The following SAMD3 variants were observed in gnomAD, a reference collection of about 807,000 sequenced individuals.
The protein encoded by SAMD3 is sterile alpha motif domain containing 3.
In SAMD3, 63 loss-of-function variants were observed where a neutral mutation model predicts 58.5. The observed-to-expected ratio is 1.08, with a 90% CI of 0.88 to 1.33. SAMD3 has a LOEUF of 1.33. Ranked by LOEUF, SAMD3 falls within the 40% of genes most tolerant of loss-of-function variation. The pLI is 0.00. For missense variants in SAMD3, 604 were observed against 608.4 expected, an observed-to-expected ratio of 0.99 and a Z score of 0.08; for synonymous variants, 220 against 210.3, an observed-to-expected ratio of 1.05 and a Z score of -0.40.
chr6:130,324,030 C>T (rs1776674203), intron 1 of SAMD3, among the ~76,000 whole-genome samples: 1 of 152,064 alleles, frequency 6.6e-6, no homozygotes, highest in South Asian at 2.1e-4. Context: ...TGGCATTTAA[C>T]ATCTTGGAAC....
At chr6:130,355,465 T>C (rs1200342461) in intron 1 of SAMD3, among the ~76,000 whole-genome samples, 1 of 152,116 alleles carries the variant, frequency 6.6e-6, no homozygotes, top group Non-Finnish European at 1.5e-5. Context: ...GCAACTTACA[T>C]TGGTGTCACC....
At chr6:130,205,377 C>T (rs1409455231) in intron 5 of SAMD3, among the ~76,000 whole-genome samples, 1 of 152,066 alleles carries the variant, frequency 6.6e-6, no homozygotes, top group African/African-American at 2.4e-5. Context: ...GATCTCAGCT[C>T]ACTGCAACCT....
intron 7 of SAMD3, among the ~76,000 whole-genome samples, chr6:130,180,095 G>A (rs2326966): frequency 0.89 from 135,059 of 151,306 alleles, 60,434 homozygotes; most frequent in East Asian, 0.98. Context: ...GATTACAGGC[G>A]TGAACCACCG....
intron 2 of SAMD3, among the ~76,000 whole-genome samples, chr6:130,263,436 AC>A (rs976790180): frequency 1.3e-5 from 2 of 152,090 alleles, no homozygotes; most frequent in African/African-American, 4.8e-5. Context: ...CCTCAGAAGG[AC>A]CCTACCTTGT....
At chr6:130,349,447 G>C (rs557199813) in intron 1 of SAMD3, among the ~76,000 whole-genome samples, 89 of 152,148 alleles carry the variant, frequency 5.8e-4, no homozygotes, top group African/African-American at 2.0e-3. Flanking sequence ...ATACTATAAA[G>C]ACCTCTATGC....
At chr6:130,263,765 C>T (rs1173263682) in intron 2 of SAMD3, among the ~76,000 whole-genome samples, 1 of 152,112 alleles carries the variant, frequency 6.6e-6, no homozygotes, top group African/African-American at 2.4e-5. Context: ...TCTGTTCCTC[C>T]TGACTCTCCT....
intron 1 of SAMD3, among the ~76,000 whole-genome samples, chr6:130,331,971 T>G (rs1776948206): frequency 6.6e-6 from 1 of 152,200 alleles, no homozygotes; most frequent in South Asian, 2.1e-4. Context: ...TGATTTCTGC[T>G]TAAAAGTATC....
upstream of SAMD3, among the ~76,000 whole-genome samples, chr6:130,226,125 C>A (rs17058529): frequency 0.043 from 6,599 of 152,258 alleles, 468 homozygotes; most frequent in African/African-American, 0.15. Flanking sequence ...TTCTACCTTT[C>A]TGGAGAGCCT....
chr6:130,240,429 G>A (rs1162882331), intron 2 of SAMD3, among the ~76,000 whole-genome samples: 8 of 152,180 alleles, frequency 5.3e-5, no homozygotes, highest in Admixed American at 1.3e-4. Flanking sequence ...AATCACAGAC[G>A]TCTGTGGGAT....
chr6:130,188,152 G>A (rs1044302152), intron 5 of SAMD3, among the ~76,000 whole-genome samples: 1 of 152,122 alleles, frequency 6.6e-6, no homozygotes, highest in Non-Finnish European at 1.5e-5. Context: ...TCTAACTTTA[G>A]TAAGAGTGAA....
In SAMD3 at chr6:130,271,859, A is replaced by G. The variant is rs1365083760; in HGVS notation, c.-188+41119T>C. Among the ~76,000 whole-genome samples the G allele has an allele frequency of 2.6e-5, 4 of 152,190 alleles. No individual in the cohort carries two copies. In the East Asian group the frequency reaches 7.7e-4, roughly 29 times the overall value. On this transcript the variant is annotated intron_variant, in intron 2 of 13. Coordinates refer to the SAMD3 transcript ENST00000368134. ...CAAGAGCGTGTGCAGGGGAACTCTC[A>G]TTTATAAAACCATCAGATCTCATGA...
At chr6:130,174,659 G>T (rs1250842274) in intron 8 of SAMD3, among the ~76,000 whole-genome samples, 1 of 152,118 alleles carries the variant, frequency 6.6e-6, no homozygotes, top group African/African-American at 2.4e-5. Context: ...ATAAAAGATT[G>T]CCAAATAAAT....
chr6:130,310,671 G>A (rs567926281), intron 2 of SAMD3, among the ~76,000 whole-genome samples: 6 of 152,148 alleles, frequency 3.9e-5, no homozygotes, highest in Non-Finnish European at 5.9e-5. Context: ...TACAGTAAAC[G>A]TGCTCTCTGC....
intron 1 of SAMD3, among the ~76,000 whole-genome samples, chr6:130,349,454 ATGCAAATAAAC>A (rs1187958456): frequency 6.6e-6 from 1 of 152,270 alleles, no homozygotes; most frequent in Non-Finnish European, 1.5e-5. Context: ...AAAGACCTCT[ATGCAAATAAAC>A]TAGACAATCT....
intron 2 of SAMD3, among the ~76,000 whole-genome samples, chr6:130,293,590 TC>T (rs1775455853): frequency 6.8e-6 from 1 of 146,132 alleles, no homozygotes; most frequent in Non-Finnish European, 1.5e-5. Context: ...TATATTATAG[TC>T]CTAAGAATAG....
chr6:130,356,577 A>T (rs1048322198), intron 1 of SAMD3, among the ~76,000 whole-genome samples: 1 of 152,224 alleles, frequency 6.6e-6, no homozygotes, highest in Non-Finnish European at 1.5e-5. Context: ...AAGGGTGAAG[A>T]CTATGGTCTG....
At chr6:130,277,989 AG>A (rs1288618963) in intron 2 of SAMD3, among the ~76,000 whole-genome samples, 1 of 152,200 alleles carries the variant, frequency 6.6e-6, no homozygotes. Flanking sequence ...AGTAGCCACA[AG>A]ATTAGAAATT....
intron 5 of SAMD3, among the ~76,000 whole-genome samples, chr6:130,185,369 G>A (rs938592528): frequency 2.6e-5 from 4 of 151,904 alleles, no homozygotes; most frequent in Non-Finnish European, 4.4e-5. Flanking sequence ...TCACTCTGTC[G>A]CCAGGCTGGA....
intron 5 of SAMD3, among the ~76,000 whole-genome samples, chr6:130,203,648 A>G (rs1794833920): frequency 6.6e-6 from 1 of 152,244 alleles, no homozygotes; most frequent in Admixed American, 6.5e-5. Flanking sequence ...AATGCTTAAT[A>G]CATCTGTTCC....
Sources: allele counts gnomAD v4.1 joint callset (sites outside exome capture counted in the v4.1 genomes callset), GRCh38; gene constraint gnomAD v4.1.1; transcripts MANE v1.5; gene names NCBI Gene and HGNC (gene_info 2026-07-23, HGNC 2026-07-21).